Variants in STK3 observed in about 807,000 individuals in gnomAD.
The protein encoded by STK3 is serine/threonine kinase 3, also known as serine/threonine-protein kinase 3.
A neutral mutation model predicts 58.0 loss-of-function variants in STK3; 41 were observed. That is an observed-to-expected ratio of 0.71 (90% confidence interval 0.55 to 0.92). The LOEUF (loss-of-function observed/expected upper bound fraction) is 0.92, where lower values mean the gene tolerates loss of function less well. STK3 is among the 40% of genes least tolerant of loss of function. The probability of loss-of-function intolerance (pLI) is 0.00; values close to 1 mark genes in which losing one functional copy is unlikely to be tolerated. For synonymous variants in STK3, 170 were observed against 191.0 expected (o/e 0.89, Z 0.91); for missense variants, 479 against 602.7 (o/e 0.79, Z 2.15).
chr8:98,866,727 A>G (rs998893711), intron 3 of STK3, among the ~76,000 whole-genome samples: 1 of 152,214 alleles, frequency 6.6e-6, no homozygotes, highest in Non-Finnish European at 1.5e-5. Context: ...GGACTGAAGT[A>G]AACAGGATTG....
intron 10 of STK3, among the ~76,000 whole-genome samples, chr8:98,471,357 CTT>C (rs554417267): frequency 5.9e-4 from 77 of 129,476 alleles, no homozygotes; most frequent in Middle Eastern, 4.0e-3. Flanking sequence ...TTTTCCTTTT[CTT>C]TTTTTTTTTT....
intron 10 of STK3, among the ~76,000 whole-genome samples, chr8:98,478,463 A>C (rs1821559786): frequency 6.6e-6 from 1 of 152,170 alleles, no homozygotes; most frequent in Non-Finnish European, 1.5e-5. Flanking sequence ...GCTGTGAAGC[A>C]TTTTAGCCAA....
intron 10 of STK3, among the ~76,000 whole-genome samples, chr8:98,467,241 C>T (rs963197516): frequency 2.6e-5 from 4 of 152,072 alleles, no homozygotes; most frequent in Non-Finnish European, 5.9e-5. Context: ...ATTTTCTTCC[C>T]CTCCCACCAG....
chr8:98,597,823 G>GAA (rs765900158), intron 6 of STK3: 151 of 926,686 alleles, frequency 1.6e-4, no homozygotes, highest in Middle Eastern at 1.1e-3. Flanking sequence ...AACTTGTGCA[G>GAA]AAAAAAAAAA....
At chr8:98,644,680 T>C (rs1820269143) in intron 6 of STK3, among the ~76,000 whole-genome samples, 1 of 152,132 alleles carries the variant, frequency 6.6e-6, no homozygotes, top group South Asian at 2.1e-4. Context: ...ACAATCTTTT[T>C]CTCCTAAGGT....
intron 3 of STK3, among the ~76,000 whole-genome samples, chr8:98,433,449 C>T (rs540360116): frequency 2.2e-4 from 34 of 152,288 alleles, no homozygotes; most frequent in African/African-American, 6.3e-4. Flanking sequence ...GAGTATGGGC[C>T]GGTCCAAAGG....
At chr8:98,649,852 T>C (rs1587151079) in intron 6 of STK3, among the ~76,000 whole-genome samples, 1 of 152,204 alleles carries the variant, frequency 6.6e-6, no homozygotes, top group Non-Finnish European at 1.5e-5. Context: ...TGGGAACATA[T>C]TTTTAAAGCC....
intron 6 of STK3, among the ~76,000 whole-genome samples, chr8:98,604,587 C>G (rs949449099): frequency 5.3e-5 from 8 of 152,224 alleles, no homozygotes; most frequent in African/African-American, 1.9e-4. Flanking sequence ...TACAGCCCTA[C>G]AGCAGACTTC....
At chr8:98,549,111 T>C (rs1810958321) in intron 8 of STK3, among the ~76,000 whole-genome samples, 1 of 152,176 alleles carries the variant, frequency 6.6e-6, no homozygotes, top group Non-Finnish European at 1.5e-5. Context: ...TTCAGTTTGG[T>C]TGGGTATCTA....
At chr8:98,359,740 T>C in the STK3 span, among the ~76,000 whole-genome samples, 1 of 152,144 alleles carries the variant, frequency 6.6e-6, no homozygotes, top group Non-Finnish European at 1.5e-5. Context: ...GTGGCTCGCA[T>C]ACCCCAAATC....
intron 1 of STK3, among the ~76,000 whole-genome samples, chr8:98,910,242 T>A (rs924473778): frequency 6.6e-6 from 1 of 152,366 alleles, no homozygotes; most frequent in East Asian, 1.9e-4. Context: ...ATTTGCCACA[T>A]AGGTATGTAT....
intron 1 of STK3, among the ~76,000 whole-genome samples, chr8:98,893,544 AAG>A (rs1230879765): frequency 6.7e-6 from 1 of 148,816 alleles, no homozygotes; most frequent in African/African-American, 2.5e-5. Flanking sequence ...AAGAAAAAGA[AAG>A]AGAAAGAGAA....
chr8:98,744,291 T>C lies in STK3; in HGVS notation c.351+4985A>G, dbSNP rs957406860. ...AAAGACACATGCACACGTATCTTTATTGCAGCACTATTCACAGTAGCAAAG... is the reference window on the plus strand; with the variant it reads ...AAAGACACATGCACACGTATCTTTACTGCAGCACTATTCACAGTAGCAAAG... On this transcript the variant is annotated intron_variant, in intron 4 of 10. Coordinates refer to ENST00000419617, the MANE Select transcript of STK3 (RefSeq NM_006281.4). Among the ~76,000 whole-genome samples the C allele has an allele frequency of 3.9e-5, 6 of 152,204 alleles. No homozygotes were observed. The East Asian group carries it at 9.6e-4, about 24-fold the overall frequency.
At chr8:98,481,319 A>G (rs2131280135) in intron 10 of STK3, among the ~76,000 whole-genome samples, 1 of 152,266 alleles carries the variant, frequency 6.6e-6, no homozygotes, top group South Asian at 2.1e-4. Context: ...CTGTGGCACA[A>G]TTCACAGTCG....
chr8:98,428,784 G>A lies in STK3; in HGVS notation n.483+5343C>T, dbSNP rs142144460. The A allele has an allele frequency of 3.8e-4, 613 of 1,614,126 alleles. 6 individuals are homozygous for A. In the African/African-American group the frequency reaches 7.0e-3, roughly 18 times the overall value. ...AAACCTTATTGACCTCATGTCCATCGTCCCCTTTTACATCACTCTGGTGGT... is the reference window on the plus strand; with the variant it reads ...AAACCTTATTGACCTCATGTCCATCATCCCCTTTTACATCACTCTGGTGGT... On this transcript the variant is annotated intron_variant and non_coding_transcript_variant, in intron 3 of 3. Transcript: ENST00000517832. The surrounding 1 kb of genome is among the most constrained non-coding windows in gnomAD (Gnocchi z 6.7).
At chr8:98,558,923 C>T (rs1169896963) in intron 8 of STK3, among the ~76,000 whole-genome samples, 1 of 151,988 alleles carries the variant, frequency 6.6e-6, no homozygotes, top group Non-Finnish European at 1.5e-5. Context: ...AAGAAGACTA[C>T]TTGAAACATG....
At chr8:98,537,928 C>G (rs1308306640) in intron 9 of STK3, among the ~76,000 whole-genome samples, 1 of 152,054 alleles carries the variant, frequency 6.6e-6, no homozygotes, top group Non-Finnish European at 1.5e-5. Context: ...ATACGTCAGT[C>G]CACCCACAAT....
intron 6 of STK3, among the ~76,000 whole-genome samples, chr8:98,656,215 C>G (rs1158963232): frequency 6.6e-6 from 1 of 152,046 alleles, no homozygotes; most frequent in African/African-American, 2.4e-5. Context: ...AATCATCATT[C>G]TCAGTAAACT....
intron 3 of STK3, among the ~76,000 whole-genome samples, chr8:98,849,309 T>C (rs1348846541): frequency 1.3e-5 from 2 of 151,688 alleles, no homozygotes; most frequent in Non-Finnish European, 2.9e-5. Flanking sequence ...TACAAGTCAC[T>C]AAAGCACTAG....
Sources: gnomAD v4.1 joint callset for allele counts (sites outside exome capture counted in the v4.1 genomes callset) on GRCh38, gnomAD v4.1.1 for gene constraint, Gnocchi (gnomAD v3.1) non-coding constraint, MANE v1.5 for transcripts, NCBI Gene and HGNC (gene_info 2026-07-23, HGNC 2026-07-21) for gene names.